TACC3: variants seen among roughly 807,000 people sequenced by gnomAD.
TACC3 encodes transforming acidic coiled-coil containing protein 3.
Under a neutral mutation model 86.0 loss-of-function variants are expected in TACC3, and 52 were observed. The observed-to-expected ratio is 0.60, with a 90% CI of 0.48 to 0.76. The LOEUF (loss-of-function observed/expected upper bound fraction) is 0.76. Ranked by LOEUF, TACC3 falls within the 30% of genes least tolerant of loss-of-function variation. The pLI is 0.00. For synonymous variants in TACC3, 512 were observed against 430.0 expected, an observed-to-expected ratio of 1.19 and a Z score of -2.36; for missense variants, 1,120 against 1,070.4, an observed-to-expected ratio of 1.05 and a Z score of -0.65.
chr4:1,730,917 G>A lies in TACC3; in HGVS notation c.1416G>A (p.Thr472=), dbSNP rs765081271. 52 of 1,613,268 alleles carry A rather than the reference G, an allele frequency of 3.2e-5. No homozygotes were observed. Among genetic ancestry groups the A allele is most frequent in the Middle Eastern group, 3.3e-4 (2 of 6,076 alleles). ...TGCATTCAGCCTCAGCGGAGGACAC[G>A]CCTGTGGTGCAGTTGGCAGCCGAGA... ...QQLHSASAED[T]PVVQLAAETP... The change falls in exon 5 of 16, where the codon ACG becomes ACA. Residue 472 remains threonine, a synonymous_variant. Coordinates refer to ENST00000313288, the MANE Select transcript of TACC3 (RefSeq NM_006342.3).
At chr4:1,732,052 G>C (rs1178987444) in intron 6 of TACC3, among the ~76,000 whole-genome samples, 1 of 152,240 alleles carries the variant, frequency 6.6e-6, no homozygotes, top group Non-Finnish European at 1.5e-5. Flanking sequence ...TAAGATTGGA[G>C]GCTGCACTTG....
Position 1,743,303 on chromosome 4 carries a change from C to G in TACC3, c.2224-1215C>G, listed in dbSNP as rs1192839783. Among the ~76,000 whole-genome samples, 2 of 151,518 alleles carry G rather than the reference C, an allele frequency of 1.3e-5. 1 individual carries two copies. Among genetic ancestry groups the G allele is most frequent in the Non-Finnish European group, 2.9e-5 (2 of 67,958 alleles). On this transcript the variant is annotated intron_variant, in intron 13 of 15. Transcript: ENST00000313288. ...GGCACAGTGGCTCACGCCTGTAATC[C>G]CAGCACTTTGGGAGGCCGAGGCGGG...
At chr4:1,741,050 G>A (rs1286301700) in intron 13 of TACC3, 64 bp downstream of exon 13, 15 of 1,504,340 alleles carry the variant, frequency 1.0e-5, no homozygotes, top group East Asian at 2.3e-5. Context: ...CCAAGCCAGC[G>A]GGGCTACAAG....
At chr4:1,720,638 G>A, upstream of TACC3, 1 of 1,540,080 alleles carries the variant, frequency 6.5e-7, no homozygotes, top group Non-Finnish European at 8.7e-7. This position sits in a 1 kb window ranked among gnomAD's most constrained non-coding sequence, Gnocchi z 4.4. Flanking sequence ...CTCACCGAGC[G>A]GCAGCAGCGA....
chr4:1,727,568 G>C (rs1260619142), intron 3 of TACC3, 140 bp from the exon 4 acceptor site: 1 of 1,360,094 alleles, frequency 7.4e-7, no homozygotes, highest in Non-Finnish European at 1.0e-6. Flanking sequence ...GGTGGGGGGT[G>C]GAGAACGGGA....
In TACC3 at chr4:1,744,938, C is replaced by T; in HGVS notation, c.2452-10C>T. On this transcript the variant is annotated splice_polypyrimidine_tract_variant and intron_variant, in intron 15 of 15. Transcript: ENST00000313288. ...AGGGAGAAGCCCCGCAACTCATCTTCCTCCTCCAGACTAAAGAGAACGAGG... is the reference window on the plus strand; with the variant it reads ...AGGGAGAAGCCCCGCAACTCATCTTTCTCCTCCAGACTAAAGAGAACGAGG... 1 of 1,611,934 alleles carries T rather than the reference C, an allele frequency of 6.2e-7. No individual in the cohort carries two copies. The highest frequency in any genetic ancestry group is 1.1e-5 in the South Asian group (1 of 90,762).
chr4:1,722,148 C>T (rs927796499), intron 1 of TACC3, among the ~76,000 whole-genome samples: 16 of 152,304 alleles, frequency 1.1e-4, no homozygotes, highest in African/African-American at 3.4e-4. Flanking sequence ...ACCAGAGTAG[C>T]ACCAAAGCAC....
intron 13 of TACC3, 52 bp downstream of exon 13, chr4:1,741,038 G>A: frequency 6.5e-7 from 1 of 1,537,200 alleles, no homozygotes; most frequent in South Asian, 1.2e-5. Flanking sequence ...TGGACTCATG[G>A]TCCAAGCCAG....
intron 1 of TACC3, among the ~76,000 whole-genome samples, chr4:1,722,362 A>G (rs2108679764): frequency 6.6e-6 from 1 of 152,222 alleles, no homozygotes; most frequent in East Asian, 1.9e-4. Flanking sequence ...CCCTGTACCC[A>G]GTTATTCAGG....
In TACC3 at chr4:1,728,733, C is replaced by G. The variant is rs1717848904; in HGVS notation, c.1331C>G (p.Ala444Gly). The change falls in exon 4 of 16, where the codon GCT (alanine) becomes GGT (glycine). Residue 444 changes from alanine (A) to glycine (G), a missense_variant. By Grantham distance (60) the Ala-to-Gly change is moderately conservative (BLOSUM62 0). Coordinates refer to ENST00000313288, the MANE Select transcript of TACC3 (RefSeq NM_006342.3). ...GAGACCAGGCTGGGCCAGCCAGCGG[C>G]TGAACAGTTGCATGCTGGGCCTGCC... ...SPETRLGQPA[A>G]EQLHAGPATE... is the part of the protein sequence containing the mutation. The G allele has an allele frequency of 6.2e-7, 1 of 1,612,976 alleles. No homozygotes were observed. Among genetic ancestry groups the G allele is most frequent in the Non-Finnish European group, 8.5e-7 (1 of 1,179,904 alleles).
At chr4:1,734,062 G>A (rs533217298) in intron 6 of TACC3, among the ~76,000 whole-genome samples, 13 of 152,220 alleles carry the variant, frequency 8.5e-5, no homozygotes, top group Middle Eastern at 3.4e-3. Flanking sequence ...ATTGGCAACC[G>A]TTTTTTAGCT....
intron 3 of TACC3, among the ~76,000 whole-genome samples, chr4:1,725,187 C>T (rs2108683848): frequency 6.6e-6 from 1 of 152,270 alleles, no homozygotes; most frequent in South Asian, 2.1e-4. Context: ...CGGCCTCGGC[C>T]TCCCAAAGTG....
chr4:1,727,107 G>A (rs1338262895), intron 3 of TACC3, among the ~76,000 whole-genome samples: 2 of 151,880 alleles, frequency 1.3e-5, no homozygotes, highest in African/African-American at 4.8e-5. Flanking sequence ...CTCCAGCCTT[G>A]GCAACAGAGC....
chr4:1,729,610 C>G (rs1717899779), intron 4 of TACC3, among the ~76,000 whole-genome samples: 1 of 152,166 alleles, frequency 6.6e-6, no homozygotes, highest in Admixed American at 6.5e-5. Context: ...GACTTTAGCA[C>G]TTTGACTAAT....
intron 6 of TACC3, among the ~76,000 whole-genome samples, chr4:1,731,781 T>C (rs1414497895): frequency 6.6e-6 from 1 of 152,212 alleles, no homozygotes; most frequent in East Asian, 1.9e-4. Context: ...ATTACAAGCA[T>C]GTACCACCAC....
intron 8 of TACC3, among the ~76,000 whole-genome samples, chr4:1,736,380 G>A (rs1027818164): frequency 1.1e-4 from 13 of 122,412 alleles, no homozygotes; most frequent in East Asian, 2.9e-4. Context: ...CTGAGATTGC[G>A]CCACTGCACT....
chr4:1,725,506 A>G (rs1018597633), intron 3 of TACC3, among the ~76,000 whole-genome samples: 2 of 152,144 alleles, frequency 1.3e-5, no homozygotes, highest in African/African-American at 2.4e-5. Context: ...TTGGTTTACA[A>G]CGACCCCAAG....
chr4:1,739,698 G>A lies in TACC3; in HGVS notation c.1942-4G>A, dbSNP rs1211794871. ...GCCTGCTGACTTGGGTGTGGCCTGA[G>A]CAGGTAAAGGCGACACAGGAGGAGA... is the stretch of plus-strand genomic sequence containing the variant. On this transcript the variant is annotated splice_polypyrimidine_tract_variant and splice_region_variant and intron_variant, in intron 10 of 15. Coordinates refer to ENST00000313288, the MANE Select transcript of TACC3 (RefSeq NM_006342.3). The A allele has an allele frequency of 7.6e-6, 12 of 1,574,126 alleles. No homozygotes were observed. The highest frequency in any genetic ancestry group is 1.2e-5 in the South Asian group (1 of 85,732).
Position 1,723,511 on chromosome 4 carries a change from C to T in TACC3, c.90C>T (p.Thr30=), listed in dbSNP as rs528006846. The T allele has an allele frequency of 3.8e-5, 61 of 1,613,770 alleles. No homozygotes were observed. The highest frequency in any genetic ancestry group is 5.3e-5 in the African/African-American group (4 of 75,040). The change falls in exon 2 of 16, where the codon ACC becomes ACT. Residue 30 remains threonine, a synonymous_variant. Coordinates refer to ENST00000313288, the MANE Select transcript of TACC3 (RefSeq NM_006342.3). ...CDFLFSPPEV[T]GRSSVLRVSQ... is the part of the protein sequence containing the mutation. ...TCCTGTTTTCGCCACCAGAAGTTAC[C>T]GGAAGATCGTCTGTTCTTCGTGTGT... is the stretch of plus-strand genomic sequence containing the variant.
Sources: gnomAD v4.1 joint callset for allele counts (sites outside exome capture counted in the v4.1 genomes callset) on GRCh38, gnomAD v4.1.1 for gene constraint, Gnocchi (gnomAD v3.1) non-coding constraint, MANE v1.5 for transcripts, NCBI Gene and HGNC (gene_info 2026-07-23, HGNC 2026-07-21) for gene names.